Variants in ENAH observed in about 807,000 individuals in gnomAD.
ENAH encodes the protein protein enabled homolog.
ENAH carries 23 observed loss-of-function variants against 78.7 expected under a neutral mutation model. That is an observed-to-expected ratio of 0.29 (90% CI 0.21 to 0.41). ENAH has a LOEUF of 0.41. ENAH is among the 10% of genes least tolerant of loss of function. The probability of loss-of-function intolerance (pLI) is 1.00; values close to 1 mark genes in which losing one functional copy is unlikely to be tolerated. For missense variants in ENAH, 544 were observed against 691.0 expected, an observed-to-expected ratio of 0.79 and a Z score of 2.39; for synonymous variants, 226 against 241.0, an observed-to-expected ratio of 0.94 and a Z score of 0.58.
intron 3 of ENAH, chr1:225,535,428 A>T (rs2096557043): frequency 2.1e-6 from 2 of 958,522 alleles, no homozygotes; most frequent in Non-Finnish European, 2.9e-6. Flanking sequence ...ACTATGGCCT[A>T]AGAAAACAAA....
At chr1:225,633,173 G>A (rs1460184006) in intron 1 of ENAH, among the ~76,000 whole-genome samples, 2 of 151,692 alleles carry the variant, frequency 1.3e-5, no homozygotes, top group African/African-American at 4.8e-5. Flanking sequence ...CTCCTGAATA[G>A]CTGGAACTAC....
chr1:225,526,841 A>G (rs974105218), intron 4 of ENAH, among the ~76,000 whole-genome samples: 19 of 152,068 alleles, frequency 1.2e-4, no homozygotes, highest in Non-Finnish European at 2.4e-4. Context: ...ATACAATTTC[A>G]ACTCTTTGTT....
At chr1:225,650,823 C>A (rs992075818) in intron 1 of ENAH, among the ~76,000 whole-genome samples, 23 of 128,460 alleles carry the variant, frequency 1.8e-4, no homozygotes, top group Admixed American at 1.8e-4. Context: ...GCACTCCAGC[C>A]TGGGCAAGAG....
intron 1 of ENAH, among the ~76,000 whole-genome samples, chr1:225,584,235 G>A (rs781096314): frequency 6.6e-6 from 1 of 152,196 alleles, no homozygotes; most frequent in Non-Finnish European, 1.5e-5. Flanking sequence ...ATCTTAAGAA[G>A]TTTCAAATTA....
chr1:225,534,323 T>C (rs1254911041), intron 3 of ENAH, among the ~76,000 whole-genome samples: 2 of 152,122 alleles, frequency 1.3e-5, no homozygotes, highest in East Asian at 1.9e-4. Context: ...AGCCACACAA[T>C]AGGCTCACTG....
At chr1:225,644,687 C>G (rs774608430) in intron 1 of ENAH, among the ~76,000 whole-genome samples, 1 of 152,072 alleles carries the variant, frequency 6.6e-6, no homozygotes. Flanking sequence ...CCAAAAAGGA[C>G]AGAAGACTGA....
chr1:225,585,289 AT>A (rs2147806071), intron 1 of ENAH, among the ~76,000 whole-genome samples: 1 of 151,368 alleles, frequency 6.6e-6, no homozygotes, highest in East Asian at 1.9e-4. Context: ...TTAGTTGTAA[AT>A]TTTAACACCC....
At chr1:225,513,061 C>A in intron 7 of ENAH, 45 bp from the exon 8 acceptor site, 3 of 1,480,848 alleles carry the variant, frequency 2.0e-6, no homozygotes, top group East Asian at 2.4e-5. Flanking sequence ...TGTTAGACAA[C>A]CATATTTTTA....
rs1558949275 is a variant in ENAH, at chr1:225,639,744, A to AC, written c.5+12941_5+12942insG. Among the ~76,000 whole-genome samples, 1,210 of 132,882 alleles carry AC rather than the reference A, an allele frequency of 9.1e-3. 12 individuals are homozygous for AC. Among genetic ancestry groups the AC allele is most frequent in the African/African-American group, 0.046 (1,126 of 24,360 alleles). The allele number at this position is 132,882 out of a possible 152,430, so 87.2% of individuals were successfully genotyped here. A position where few individuals can be genotyped will look rare whatever the true frequency, so the allele number is the denominator to read the frequency against. On this transcript the variant is annotated intron_variant, in intron 1 of 13. Coordinates refer to ENST00000366843, the MANE Select transcript of ENAH (RefSeq NM_018212.6). The stretch of plus-strand genomic sequence containing the variant: ...CACACACACACACACACACACACAC[A>AC]AGAAGGATGGTCCTACTTCCTCCAA...
chr1:225,536,972 CA>C (rs1391703141), intron 3 of ENAH, among the ~76,000 whole-genome samples: 1 of 151,926 alleles, frequency 6.6e-6, no homozygotes, highest in Non-Finnish European at 1.5e-5. Context: ...AGGAGATAAA[CA>C]ATTTAGAATA....
chr1:225,591,467 TA>T (rs776686674), intron 1 of ENAH, among the ~76,000 whole-genome samples: 6,370 of 113,140 alleles, frequency 0.056, 188 homozygotes, highest in South Asian at 0.13. Context: ...AAACTACGTT[TA>T]AAAAAAAAAA....
chr1:225,634,903 TG>T (rs1323481464), intron 1 of ENAH, among the ~76,000 whole-genome samples: 2 of 152,218 alleles, frequency 1.3e-5, no homozygotes, highest in Non-Finnish European at 2.9e-5. Flanking sequence ...TTTGGCTATT[TG>T]GGGTCCCTTG....
chr1:225,599,794 CT>C (rs1227945366), intron 1 of ENAH, among the ~76,000 whole-genome samples: 1 of 88,850 alleles, frequency 1.1e-5, no homozygotes, highest in Non-Finnish European at 2.1e-5. Context: ...GAGACTCCGT[CT>C]TAAAAAAAAA....
intron 2 of ENAH, among the ~76,000 whole-genome samples, chr1:225,566,231 C>G (rs150151140): frequency 6.6e-6 from 1 of 151,734 alleles, no homozygotes; most frequent in African/African-American, 2.4e-5. Context: ...GGGGTGTAGC[C>G]CCTCTAAGAT....
Position 225,651,945 on chromosome 1 carries a change from T to C in ENAH, c.5+741A>G, listed in dbSNP as rs192836498. Among the ~76,000 whole-genome samples, 23 of 152,212 alleles carry C rather than the reference T, an allele frequency of 1.5e-4. 1 individual carries two copies. Among genetic ancestry groups the C allele is most frequent in the African/African-American group, 5.5e-4 (23 of 41,520 alleles). On this transcript the variant is annotated intron_variant, in intron 1 of 13. Transcript: ENST00000366843. ...ATTCAATTCTTCGGGGCCGCAAAAA[T>C]AATTTAGCTCCTGTTTTATTGAGTA...
chr1:225,584,913 C>A (rs1037868803), intron 1 of ENAH, among the ~76,000 whole-genome samples: 4 of 152,054 alleles, frequency 2.6e-5, no homozygotes, highest in African/African-American at 9.7e-5. Flanking sequence ...CACCTAATCA[C>A]CATCTCTAAA....
At chr1:225,555,523 A>T (rs982933721) in intron 2 of ENAH, among the ~76,000 whole-genome samples, 1 of 152,014 alleles carries the variant, frequency 6.6e-6, no homozygotes, top group Non-Finnish European at 1.5e-5. Context: ...CAGAGTTAGC[A>T]GGGAGCCAAG....
intron 1 of ENAH, among the ~76,000 whole-genome samples, chr1:225,612,754 A>G (rs1342813555): frequency 6.6e-6 from 1 of 151,946 alleles, no homozygotes; most frequent in Non-Finnish European, 1.5e-5. Flanking sequence ...TCTTTGCCCC[A>G]GTTTATATTT....
chr1:225,530,753 T>G (rs1169761705), intron 3 of ENAH, 115 bp from the exon 4 acceptor site: 6 of 784,218 alleles, frequency 7.7e-6, no homozygotes, highest in Non-Finnish European at 6.3e-6. Context: ...GTGTCTTCTT[T>G]TTGTCTAGCA....
Sources: allele counts gnomAD v4.1 joint callset (sites outside exome capture counted in the v4.1 genomes callset), GRCh38; gene constraint gnomAD v4.1.1; transcripts MANE v1.5; gene names NCBI Gene and HGNC (gene_info 2026-07-23, HGNC 2026-07-21).